SNTG1: variants seen among roughly 807,000 people sequenced by gnomAD.
SNTG1 encodes syntrophin gamma 1, also known as gamma-1-syntrophin.
Under a neutral mutation model 74.7 loss-of-function variants are expected in SNTG1, and 39 were observed. The observed-to-expected ratio is 0.52, with a 90% CI of 0.40 to 0.68. SNTG1 has a LOEUF of 0.68. SNTG1 is among the 30% of genes least tolerant of loss of function. SNTG1 has a pLI of 0.00. For synonymous variants in SNTG1, 254 were observed against 217.1 expected, an observed-to-expected ratio of 1.17 and a Z score of -1.49; for missense variants, 685 against 609.5, an observed-to-expected ratio of 1.12 and a Z score of -1.30.
intron 12 of SNTG1, 48 bp from the exon 13 acceptor site, chr8:50,590,831 T>C (rs1449244842): frequency 4.7e-6 from 6 of 1,276,958 alleles, no homozygotes; most frequent in Non-Finnish European, 6.6e-6. Flanking sequence ...GGACCTTGTG[T>C]TACCATCTAT....
At chr8:50,700,997 G>A (rs1297897368) in intron 15 of SNTG1, among the ~76,000 whole-genome samples, 2 of 152,068 alleles carry the variant, frequency 1.3e-5, no homozygotes, top group South Asian at 2.1e-4. Context: ...TTTTAAAAGA[G>A]CAAAGGAGTA....
intron 1 of SNTG1, among the ~76,000 whole-genome samples, chr8:49,994,036 T>A (rs1728745649): frequency 1.3e-5 from 2 of 152,176 alleles, no homozygotes; most frequent in Non-Finnish European, 2.9e-5. Context: ...CATTATATAG[T>A]CTGTAGTTTA....
At chr8:50,321,692 G>A (rs2090536415) in intron 2 of SNTG1, among the ~76,000 whole-genome samples, 1 of 151,578 alleles carries the variant, frequency 6.6e-6, no homozygotes, top group Non-Finnish European at 1.5e-5. Context: ...TACTTGTTGT[G>A]TGCTTGTAGA....
intron 11 of SNTG1, among the ~76,000 whole-genome samples, chr8:50,550,399 T>C (rs2130576074): frequency 6.6e-6 from 1 of 152,316 alleles, no homozygotes; most frequent in Admixed American, 6.5e-5. Context: ...AAAACAGGAA[T>C]CACTAACTAT....
chr8:50,569,281 T>G (rs1363264963), intron 12 of SNTG1, among the ~76,000 whole-genome samples: 1 of 152,132 alleles, frequency 6.6e-6, no homozygotes, highest in Admixed American at 6.6e-5. Context: ...CTCTGTGGGA[T>G]GAACACAGCC....
chr8:50,244,888 A>G (rs1022691888), intron 2 of SNTG1, among the ~76,000 whole-genome samples: 12 of 152,212 alleles, frequency 7.9e-5, no homozygotes, highest in Non-Finnish European at 8.8e-5. Context: ...CAAAGAGAGA[A>G]AAGGATAGAT....
chr8:50,156,526 T>A (rs1270423096), intron 1 of SNTG1, among the ~76,000 whole-genome samples: 1 of 152,042 alleles, frequency 6.6e-6, no homozygotes, highest in Non-Finnish European at 1.5e-5. Flanking sequence ...ATATATATAA[T>A]GTGAATCTGT....
intron 1 of SNTG1, among the ~76,000 whole-genome samples, chr8:49,948,377 T>A (rs1277086418): frequency 1.3e-5 from 2 of 152,226 alleles, no homozygotes; most frequent in Non-Finnish European, 2.9e-5. Flanking sequence ...ACCTTAAAAT[T>A]GTTTCGATTT....
intron 18 of SNTG1, among the ~76,000 whole-genome samples, chr8:50,757,877 G>C (rs1023934863): frequency 1.3e-5 from 2 of 151,716 alleles, no homozygotes; most frequent in African/African-American, 4.8e-5. Context: ...ACTAAACCTT[G>C]TAAAATATGT....
At chr8:50,298,168 G>A (rs748711816) in intron 2 of SNTG1, among the ~76,000 whole-genome samples, 9 of 152,076 alleles carry the variant, frequency 5.9e-5, no homozygotes, top group Non-Finnish European at 1.2e-4. Context: ...ATGGACAAAT[G>A]ATCACATCTC....
chr8:50,191,791 G>A (rs777950972), intron 2 of SNTG1, among the ~76,000 whole-genome samples: 20 of 151,946 alleles, frequency 1.3e-4, no homozygotes, highest in Admixed American at 1.3e-3. Flanking sequence ...TGCAAGGAAC[G>A]TGTTCTTGAG....
chr8:50,156,004 A>T (rs2082243460), intron 1 of SNTG1, among the ~76,000 whole-genome samples: 1 of 152,100 alleles, frequency 6.6e-6, no homozygotes, highest in Admixed American at 6.6e-5. Flanking sequence ...CAGTAAAGAA[A>T]AAAAGGGCAA....
At chr8:50,448,826 A>G (rs1004473700) in intron 5 of SNTG1, among the ~76,000 whole-genome samples, 2 of 152,024 alleles carry the variant, frequency 1.3e-5, no homozygotes, top group Admixed American at 1.3e-4. Context: ...CGAGGTCAGG[A>G]GATGGAAACT....
chr8:50,402,265 G>T lies in SNTG1; in HGVS notation c.83G>T (p.Arg28Leu). The T allele has an allele frequency of 6.2e-7, 1 of 1,613,454 alleles. No homozygotes were observed. The highest frequency in any genetic ancestry group is 8.5e-7 in the Non-Finnish European group (1 of 1,179,838). ...QDGNQEPFKV[R>L]LHLAKDILMI... ...GGTAACCAGGAGCCTTTCAAAGTGC[G>T]GCTGCACCTAGCCAAAGACATTTTG... The change falls in exon 4 of 19, where the codon CGG (arginine) becomes CTG (leucine). Residue 28 changes from arginine (R) to leucine (L), a missense_variant. Physicochemically the swap from Arg to Leu is moderately radical, Grantham distance 102. Coordinates refer to ENST00000642720, the MANE Select transcript of SNTG1 (RefSeq NM_018967.5).
intron 2 of SNTG1, among the ~76,000 whole-genome samples, chr8:50,227,934 AAG>A (rs1554613658): frequency 3.1e-4 from 47 of 150,940 alleles, no homozygotes; most frequent in Non-Finnish European, 4.7e-4. Flanking sequence ...AAAAAAAAAA[AAG>A]AAACACCAAC....
At chr8:50,375,739 T>C (rs2092365261) in intron 2 of SNTG1, among the ~76,000 whole-genome samples, 1 of 152,136 alleles carries the variant, frequency 6.6e-6, no homozygotes, top group Non-Finnish European at 1.5e-5. Context: ...GGTCCTTGGT[T>C]GGAATTGACC....
chr8:50,714,234 T>A (rs529480390), intron 17 of SNTG1, among the ~76,000 whole-genome samples: 2 of 152,134 alleles, frequency 1.3e-5, no homozygotes, highest in Non-Finnish European at 2.9e-5. Flanking sequence ...ACTTGGTTAC[T>A]GTAGCCTAGT....
rs898706791 is a variant in SNTG1 at position 50,268,743 on chromosome 8, G to A, written c.-28+96108G>A. 1.4e-4 allele frequency among the ~76,000 whole-genome samples: 21 copies of A among 151,380 alleles called. No individual in the cohort carries two copies. The South Asian group carries it at 2.5e-3, about 18-fold the overall frequency. The stretch of plus-strand genomic sequence containing the variant: ...AGGATCTTGGTTCACTACGACCTCC[G>A]CCTCCTGAGTTCAAGCAATTCTCAT... On this transcript the variant is annotated intron_variant, in intron 2 of 18. Transcript: ENST00000642720.
chr8:50,272,403 T>C (rs1412655061), intron 2 of SNTG1, among the ~76,000 whole-genome samples: 1 of 152,188 alleles, frequency 6.6e-6, no homozygotes, highest in East Asian at 1.9e-4. Context: ...TTTCCCTGGA[T>C]CCTCTGTCAG....
Sources: gnomAD v4.1 joint callset for allele counts (sites outside exome capture counted in the v4.1 genomes callset) on GRCh38, gnomAD v4.1.1 for gene constraint, MANE v1.5 for transcripts, NCBI Gene and HGNC (gene_info 2026-07-23, HGNC 2026-07-21) for gene names.